NCKAP5: variants seen among roughly 807,000 people sequenced by gnomAD.
The protein encoded by NCKAP5 is nck-associated protein 5.
Under a neutral mutation model 167.0 loss-of-function variants are expected in NCKAP5, and 92 were observed. That is an observed-to-expected ratio of 0.55 (90% CI 0.47 to 0.66). The LOEUF (loss-of-function observed/expected upper bound fraction) is 0.66. Among genes scored for constraint, NCKAP5 ranks in the 30% least tolerant of loss-of-function variants. NCKAP5 has a pLI of 0.00. For missense variants in NCKAP5, 2,378 were observed against 2,315.0 expected, an observed-to-expected ratio of 1.03 and a Z score of -0.56; for synonymous variants, 891 against 877.4, an observed-to-expected ratio of 1.02 and a Z score of -0.27.
At chr2:133,604,013 G>A in the NCKAP5 span, among the ~76,000 whole-genome samples, 1 of 152,220 alleles carries the variant, frequency 6.6e-6, no homozygotes, top group East Asian at 1.9e-4. Flanking sequence ...CCTGGGAGAG[G>A]CAGGAGCTAT....
At chr2:133,249,600 A>G (rs896731303) in intron 4 of NCKAP5, among the ~76,000 whole-genome samples, 7 of 152,236 alleles carry the variant, frequency 4.6e-5, no homozygotes, top group African/African-American at 1.7e-4. Flanking sequence ...ACTTGACGTT[A>G]GTCACCCTTC....
intron 3 of NCKAP5, among the ~76,000 whole-genome samples, chr2:133,423,051 C>G (rs1032393128): frequency 6.6e-6 from 1 of 152,180 alleles, no homozygotes; most frequent in Non-Finnish European, 1.5e-5. Flanking sequence ...GGGACATGTT[C>G]CAAGCTCAGG....
chr2:132,789,466 G>T (rs1447615527), intron 13 of NCKAP5, among the ~76,000 whole-genome samples: 1 of 152,100 alleles, frequency 6.6e-6, no homozygotes, highest in Admixed American at 6.5e-5. Context: ...AATATCTCCT[G>T]GGAGTTCTGG....
chr2:133,320,544 T>G (rs576327816), intron 3 of NCKAP5, among the ~76,000 whole-genome samples: 9 of 152,152 alleles, frequency 5.9e-5, no homozygotes, highest in African/African-American at 2.2e-4. Context: ...CTGGCTAACA[T>G]GGTGAAACCC....
At chr2:133,466,964 A>G (rs1411096134) in intron 3 of NCKAP5, among the ~76,000 whole-genome samples, 1 of 152,140 alleles carries the variant, frequency 6.6e-6, no homozygotes, top group East Asian at 1.9e-4. Flanking sequence ...AACAGGGACA[A>G]TTTGACTTCC....
intron 4 of NCKAP5, among the ~76,000 whole-genome samples, chr2:133,235,003 A>T (rs1426406342): frequency 6.7e-6 from 1 of 148,910 alleles, no homozygotes; most frequent in Non-Finnish European, 1.5e-5. Flanking sequence ...GAGGGACCCC[A>T]TCCAACTCAG....
At position 133,433,897 on chromosome 2, in the gene NCKAP5, T is replaced by C. The variant is rs571515477; in HGVS notation, c.69+83561A>G. The C allele has an allele frequency of 3.3e-5, 5 of 152,294 alleles. No individual in the cohort carries two copies. In the South Asian group the frequency reaches 8.3e-4, roughly 25 times the overall value. The allele number at this position is 152,294 out of a possible 1,614,324, so 9.4% of individuals were successfully genotyped here. The stretch of plus-strand genomic sequence containing the variant: ...ACAGATCTATCTAACTTCTTTAAGT[T>C]CCCAGGGCTCAAGGACGTTTGGTTT... On this transcript the variant is annotated intron_variant, in intron 3 of 19. Transcript: ENST00000409261.
At chr2:132,858,366 C>T (rs1184991382) in intron 11 of NCKAP5, among the ~76,000 whole-genome samples, 2 of 152,204 alleles carry the variant, frequency 1.3e-5, no homozygotes, top group East Asian at 3.8e-4. Flanking sequence ...CAAAATAACT[C>T]TCCAGAACAA....
At chr2:132,732,938 C>A (rs555611885) in intron 16 of NCKAP5, among the ~76,000 whole-genome samples, 1 of 152,132 alleles carries the variant, frequency 6.6e-6, no homozygotes, top group Non-Finnish European at 1.5e-5. Flanking sequence ...GAGAAGACTG[C>A]GAGCCACTTT....
chr2:132,863,962 C>T (rs1176214849), intron 10 of NCKAP5, among the ~76,000 whole-genome samples: 2 of 152,160 alleles, frequency 1.3e-5, no homozygotes, highest in African/African-American at 4.8e-5. Context: ...GCTGTCTTAG[C>T]TTCCTCTATG....
the NCKAP5 span, among the ~76,000 whole-genome samples, chr2:133,599,596 T>C: frequency 6.6e-6 from 1 of 152,048 alleles, no homozygotes; most frequent in Non-Finnish European, 1.5e-5. Flanking sequence ...TTATCATGCA[T>C]ATAAGACACA....
chr2:133,017,911 C>T (rs186360631), intron 6 of NCKAP5, among the ~76,000 whole-genome samples: 34 of 152,250 alleles, frequency 2.2e-4, no homozygotes, highest in African/African-American at 7.7e-4. Context: ...TGGTAAAAAA[C>T]GAAAGAGCAG....
intron 16 of NCKAP5, among the ~76,000 whole-genome samples, chr2:132,737,811 A>C (rs988949222): frequency 1.3e-5 from 2 of 152,230 alleles, no homozygotes; most frequent in African/African-American, 4.8e-5. Flanking sequence ...ATGTTATTAG[A>C]CTGTAAGCAT....
intron 3 of NCKAP5, among the ~76,000 whole-genome samples, chr2:133,451,884 C>T (rs886177631): frequency 6.6e-6 from 1 of 152,098 alleles, no homozygotes; most frequent in Non-Finnish European, 1.5e-5. Context: ...CAAACATTTC[C>T]CTGCTTAAAA....
chr2:132,823,197 A>AT (rs778657340), intron 11 of NCKAP5, among the ~76,000 whole-genome samples: 8 of 152,228 alleles, frequency 5.3e-5, no homozygotes, highest in Non-Finnish European at 1.2e-4. Flanking sequence ...AGAAGCTCAA[A>AT]TAACACCTAG....
chr2:133,638,631 G>A, the NCKAP5 span, among the ~76,000 whole-genome samples: 3 of 152,152 alleles, frequency 2.0e-5, no homozygotes, highest in Non-Finnish European at 4.4e-5. Context: ...AGGCTGAGGT[G>A]GGCGGATCAT....
intron 4 of NCKAP5, among the ~76,000 whole-genome samples, chr2:133,218,260 C>T (rs1191714682): frequency 6.6e-6 from 1 of 152,066 alleles, no homozygotes; most frequent in African/African-American, 2.4e-5. Context: ...CAAAAATACA[C>T]TTTGCAAATA....
At chr2:133,169,228 A>G (rs1395238654) in intron 5 of NCKAP5, among the ~76,000 whole-genome samples, 1 of 152,214 alleles carries the variant, frequency 6.6e-6, no homozygotes, top group African/African-American at 2.4e-5. Context: ...GGAGAGCAAC[A>G]TATCAAGTGC....
chr2:133,230,679 C>T (rs1232838950), intron 4 of NCKAP5, among the ~76,000 whole-genome samples: 3 of 152,156 alleles, frequency 2.0e-5, no homozygotes, highest in African/African-American at 7.2e-5. Flanking sequence ...AGCTTTCCTT[C>T]TGCAAAGTTT....
Sources: gnomAD v4.1 joint callset for allele counts (sites outside exome capture counted in the v4.1 genomes callset) on GRCh38, gnomAD v4.1.1 for gene constraint, MANE v1.5 for transcripts, NCBI Gene and HGNC (gene_info 2026-07-23, HGNC 2026-07-21) for gene names.